ANKRD13C: variants seen among roughly 807,000 people sequenced by gnomAD.
ANKRD13C encodes ankyrin repeat domain-containing protein 13C.
ANKRD13C carries 16 observed loss-of-function variants against 65.5 expected under a neutral mutation model. The observed-to-expected ratio is 0.24, with a 90% CI of 0.17 to 0.37. The LOEUF (loss-of-function observed/expected upper bound fraction) is 0.37. Among genes scored for constraint, ANKRD13C ranks in the 10% least tolerant of loss-of-function variants. ANKRD13C has a pLI of 1.00. For synonymous variants in ANKRD13C, 235 were observed against 238.7 expected (o/e 0.98, Z 0.14); for missense variants, 503 against 655.9 (o/e 0.77, Z 2.55).
intron 7 of ANKRD13C, among the ~76,000 whole-genome samples, chr1:70,299,792 G>T (rs1281666572): frequency 1.3e-5 from 2 of 152,170 alleles, no homozygotes; most frequent in African/African-American, 4.8e-5. Flanking sequence ...AGACACACAT[G>T]ATATCCATTA....
intron 12 of ANKRD13C, among the ~76,000 whole-genome samples, chr1:70,267,731 A>G (rs972597955): frequency 1.3e-5 from 2 of 151,782 alleles, no homozygotes; most frequent in South Asian, 4.2e-4. Context: ...CCTATTTTTT[A>G]GAATTTCATT....
At chr1:70,330,574 C>CAAAAAA (rs71071394) in intron 2 of ANKRD13C, among the ~76,000 whole-genome samples, 104 of 68,276 alleles carry the variant, frequency 1.5e-3, no homozygotes, top group African/African-American at 1.7e-3. Flanking sequence ...ACAAACAAAC[C>CAAAAAA]AAAAAAAAAA....
chr1:70,264,085 A>T (rs1286244186), intron 12 of ANKRD13C, among the ~76,000 whole-genome samples: 2 of 152,220 alleles, frequency 1.3e-5, no homozygotes, highest in African/African-American at 2.4e-5. Flanking sequence ...TCTGTACACT[A>T]AGTCCTATTG....
chr1:70,310,187 A>G (rs1339867064), intron 5 of ANKRD13C, among the ~76,000 whole-genome samples: 3 of 152,250 alleles, frequency 2.0e-5, no homozygotes, highest in Non-Finnish European at 4.4e-5. Flanking sequence ...AAGTAAGAGC[A>G]TAAAAAAGAG....
chr1:70,342,121 G>T (rs1682336246), intron 1 of ANKRD13C, among the ~76,000 whole-genome samples: 5 of 151,750 alleles, frequency 3.3e-5, no homozygotes, highest in Admixed American at 2.6e-4. Flanking sequence ...GGAGGAGGCA[G>T]AAAATGATAA....
chr1:70,262,439 C>T lies in ANKRD13C; in HGVS notation c.*278G>A, dbSNP rs1678424531. On this transcript the variant is annotated 3_prime_UTR_variant, in exon 13 of 13. Transcript: ENST00000370944. ...AAATTTTTAAAAACAAATCACAGCA[C>T]TCATAGCTGCTTCACATACGCAGGT... is the stretch of plus-strand genomic sequence containing the variant. 1 of 189,128 alleles carries T rather than the reference C, an allele frequency of 5.3e-6. No individual in the cohort carries two copies. Among genetic ancestry groups the T allele is most frequent in the African/African-American group, 2.3e-5 (1 of 42,692 alleles). The allele number at this position is 189,128 out of a possible 1,614,324, so 11.7% of individuals were successfully genotyped here.
intron 1 of ANKRD13C, among the ~76,000 whole-genome samples, chr1:70,342,706 C>T (rs1161947888): frequency 6.6e-6 from 1 of 150,666 alleles, no homozygotes; most frequent in Non-Finnish European, 1.5e-5. Context: ...TACCATGCTC[C>T]AAATGGTAAA....
Position 70,292,514 on chromosome 1 carries a change from C to T in ANKRD13C, c.1089G>A (p.Leu363=). Residue 363 remains leucine, a synonymous_variant, in exon 9 of 13, where the codon CTG becomes CTA. Coordinates refer to ENST00000370944, the MANE Select transcript of ANKRD13C (RefSeq NM_030816.5). ...RVGNFLADFY[L]VNGLVLESRK... is the part of the protein sequence containing the mutation. ...TTGATTCTAAAACAAGTCCATTCACCAGGTAAAAGTCTGCCAAAAAGTTTC... is the reference window on the plus strand; with the variant it reads ...TTGATTCTAAAACAAGTCCATTCACTAGGTAAAAGTCTGCCAAAAAGTTTC... 6.2e-7 allele frequency: 1 copy of T among 1,601,410 alleles called. No homozygotes were observed. The highest frequency in any genetic ancestry group is 8.5e-7 in the Non-Finnish European group (1 of 1,176,924).
intron 1 of ANKRD13C, among the ~76,000 whole-genome samples, chr1:70,343,298 A>T (rs1487685737): frequency 6.6e-6 from 1 of 152,192 alleles, no homozygotes; most frequent in African/African-American, 2.4e-5. Flanking sequence ...CTATATCATA[A>T]AACTAAGTGC....
At chr1:70,289,494 T>C (rs1374981528) in intron 9 of ANKRD13C, among the ~76,000 whole-genome samples, 2 of 152,096 alleles carry the variant, frequency 1.3e-5, no homozygotes, top group Non-Finnish European at 2.9e-5. Context: ...TGAGACAGTC[T>C]TGCTCTGTCA....
chr1:70,334,528 G>A (rs1380448923), intron 2 of ANKRD13C, among the ~76,000 whole-genome samples: 1 of 152,148 alleles, frequency 6.6e-6, no homozygotes, highest in Non-Finnish European at 1.5e-5. Flanking sequence ...CCTGAAGGCT[G>A]AGACAGGAGG....
At position 70,260,153 on chromosome 1, in the gene ANKRD13C, C is replaced by G. The variant is rs1164119072; in HGVS notation, c.*2564G>C. On this transcript the variant is annotated 3_prime_UTR_variant, in exon 13 of 13. Transcript: ENST00000370944. Reference sequence around the variant, plus strand: ...TCATCTACTAACATGTATCAGCAGACAGATGTGACAGTTTCCAAACCATCA... The same window carrying G: ...TCATCTACTAACATGTATCAGCAGAGAGATGTGACAGTTTCCAAACCATCA... Among the ~76,000 whole-genome samples, 1 of 152,122 alleles carries G rather than the reference C, an allele frequency of 6.6e-6. No individual in the cohort carries two copies. The highest frequency in any genetic ancestry group is 1.5e-5 in the Non-Finnish European group (1 of 67,986).
chr1:70,337,955 C>T (rs1303299942), intron 1 of ANKRD13C, among the ~76,000 whole-genome samples: 1 of 152,026 alleles, frequency 6.6e-6, no homozygotes, highest in Non-Finnish European at 1.5e-5. Context: ...CAAAATTAGC[C>T]AGGGGTGGTG....
intron 2 of ANKRD13C, among the ~76,000 whole-genome samples, chr1:70,332,474 T>C (rs948781018): frequency 6.6e-6 from 1 of 152,200 alleles, no homozygotes; most frequent in Non-Finnish European, 1.5e-5. Flanking sequence ...TTTTAATTTG[T>C]TGTTGTTGTT....
intron 3 of ANKRD13C, among the ~76,000 whole-genome samples, chr1:70,317,528 A>G (rs1681122864): frequency 6.6e-6 from 1 of 152,192 alleles, no homozygotes; most frequent in Admixed American, 6.5e-5. Flanking sequence ...CTGATAGTCT[A>G]AGATGAAAAA....
At position 70,354,318 on chromosome 1, in the gene ANKRD13C, C is replaced by T; in HGVS notation, c.91G>A (p.Ala31Thr). 1 of 1,614,160 alleles carries T rather than the reference C, an allele frequency of 6.2e-7. No individual in the cohort carries two copies. Among genetic ancestry groups the T allele is most frequent in the Non-Finnish European group, 8.5e-7 (1 of 1,180,046 alleles). ...GTAAAGGTACCGCCGAGGGCAGCCG[C>T]CGCTTCCTCATCCCCGGGCTCCAGC... ...DLLEPGDEEA[A>T]AALGGTFTRS... Residue 31 changes from alanine to threonine, a missense_variant, in exon 1 of 13, where the codon GCG (alanine) becomes ACG (threonine). This residue lies in a region of ANKRD13C where 203 missense variants were observed against 177.6 expected (regional missense o/e 1.14). Transcript: ENST00000370944.
intron 2 of ANKRD13C, among the ~76,000 whole-genome samples, chr1:70,329,022 G>T (rs899275058): frequency 6.6e-6 from 1 of 151,862 alleles, no homozygotes; most frequent in Non-Finnish European, 1.5e-5. Context: ...AGAAAAATAT[G>T]GCAAATTACT....
At chr1:70,330,930 C>T (rs996405404) in intron 2 of ANKRD13C, among the ~76,000 whole-genome samples, 4 of 152,016 alleles carry the variant, frequency 2.6e-5, no homozygotes, top group African/African-American at 9.7e-5. Context: ...CATCCAAATC[C>T]ACAGTTCAAT....
At chr1:70,274,335 G>A (rs544222194) in intron 11 of ANKRD13C, among the ~76,000 whole-genome samples, 11 of 151,674 alleles carry the variant, frequency 7.3e-5, no homozygotes, top group South Asian at 2.1e-4. Flanking sequence ...TTAGCCGGGC[G>A]TGGTGGTGGG....
Sources: allele counts gnomAD v4.1 joint callset (sites outside exome capture counted in the v4.1 genomes callset), GRCh38; gene constraint gnomAD v4.1.1; regional missense constraint gnomAD v4.1.1; transcripts MANE v1.5; gene names NCBI Gene and HGNC (gene_info 2026-07-23, HGNC 2026-07-21).